The following ZEB1 variants were observed in gnomAD, a reference collection of about 807,000 sequenced individuals.
ZEB1 encodes zinc finger E-box binding homeobox 1, also known as zinc finger E-box-binding homeobox 1.
ZEB1 carries 21 observed loss-of-function variants against 84.9 expected under a neutral mutation model. The ratio of observed to expected loss-of-function variants is 0.25; its 90% CI spans 0.18 to 0.36. The LOEUF (loss-of-function observed/expected upper bound fraction) is 0.36. Ranked by LOEUF, ZEB1 falls within the 10% of genes least tolerant of loss-of-function variation. The probability of loss-of-function intolerance (pLI) is 1.00; values close to 1 mark genes in which losing one functional copy is unlikely to be tolerated. For synonymous variants in ZEB1, 420 were observed against 471.1 expected, an observed-to-expected ratio of 0.89 and a Z score of 1.41; for missense variants, 1,104 against 1,330.2, an observed-to-expected ratio of 0.83 and a Z score of 2.65.
chr10:31,318,902 A>C, upstream of ZEB1: 1 of 396,266 alleles, frequency 2.5e-6, no homozygotes. Flanking sequence ...TTACCTTTCC[A>C]ACTCCGACAG....
intron 1 of ZEB1, among the ~76,000 whole-genome samples, chr10:31,344,195 A>G (rs986403765): frequency 6.6e-6 from 1 of 152,102 alleles, no homozygotes; most frequent in African/African-American, 2.4e-5. Flanking sequence ...GACAAATTAT[A>G]TTAAGTAAAT....
intron 1 of ZEB1, among the ~76,000 whole-genome samples, chr10:31,449,123 T>A (rs1016978221): frequency 6.6e-6 from 1 of 152,242 alleles, no homozygotes; most frequent in Non-Finnish European, 1.5e-5. Context: ...TGGTGCGCCA[T>A]TTTTTAAGCC....
At chr10:31,372,936 T>G in intron 1 of ZEB1, 1 of 899,194 alleles carries the variant, frequency 1.1e-6, no homozygotes, top group Non-Finnish European at 1.3e-6. Flanking sequence ...CAAATCATAT[T>G]CACGTTATTT....
At chr10:31,363,346 T>C in intron 1 of ZEB1, 1 of 1,534,108 alleles carries the variant, frequency 6.5e-7, no homozygotes, top group South Asian at 1.2e-5. Context: ...TCCATGGCCC[T>C]TGGAGTAGAA....
chr10:31,352,452 GC>G (rs1401177415), intron 1 of ZEB1, among the ~76,000 whole-genome samples: 1 of 152,150 alleles, frequency 6.6e-6, no homozygotes, highest in Non-Finnish European at 1.5e-5. Flanking sequence ...TTCATTAGTA[GC>G]TGCATGACAA....
At chr10:31,362,981 A>G (rs1298050305) in intron 1 of ZEB1, 3 of 1,533,948 alleles carry the variant, frequency 2.0e-6, no homozygotes, top group East Asian at 2.4e-5. Context: ...GGAGATAGAC[A>G]TGGAAGCTTT....
intron 7 of ZEB1, among the ~76,000 whole-genome samples, chr10:31,522,323 T>C (rs976678573): frequency 2.6e-5 from 4 of 152,244 alleles, no homozygotes; most frequent in African/African-American, 7.2e-5. Flanking sequence ...AATGAAAATA[T>C]GTTCCCATTC....
chr10:31,445,364 G>A (rs1264670274), intron 1 of ZEB1, among the ~76,000 whole-genome samples: 2 of 149,320 alleles, frequency 1.3e-5, no homozygotes, highest in Non-Finnish European at 2.9e-5. Flanking sequence ...TCTGCAAACA[G>A]GGACAATTTG....
At chr10:31,490,680 C>T (rs1294346107) in intron 2 of ZEB1, among the ~76,000 whole-genome samples, 3 of 151,620 alleles carry the variant, frequency 2.0e-5, no homozygotes, top group Admixed American at 6.6e-5. Flanking sequence ...CCCAATGTTG[C>T]CATTTTTTGA....
intron 3 of ZEB1, among the ~76,000 whole-genome samples, chr10:31,499,464 T>G (rs1397675732): frequency 6.6e-6 from 1 of 152,128 alleles, no homozygotes; most frequent in Non-Finnish European, 1.5e-5. Flanking sequence ...GTTATCAACA[T>G]CACACCAGCC....
intron 1 of ZEB1, among the ~76,000 whole-genome samples, chr10:31,435,764 A>G (rs979305228): frequency 1.3e-5 from 2 of 152,344 alleles, no homozygotes; most frequent in African/African-American, 4.8e-5. Flanking sequence ...ATGATGGAAC[A>G]ATGGAAAGCC....
chr10:31,361,578 C>T (rs568101551), intron 1 of ZEB1, among the ~76,000 whole-genome samples: 1 of 152,158 alleles, frequency 6.6e-6, no homozygotes, highest in South Asian at 2.1e-4. Flanking sequence ...CGGGTGGGGG[C>T]ACTCCTCACT....
At chr10:31,524,221 T>A (rs2072960854) in intron 8 of ZEB1, 108 bp downstream of exon 8, 1 of 1,254,456 alleles carries the variant, frequency 8.0e-7, no homozygotes, top group Non-Finnish European at 1.1e-6. Context: ...TTTTTTTATT[T>A]TGTTTTGAGA....
intron 1 of ZEB1, among the ~76,000 whole-genome samples, chr10:31,442,662 G>A (rs921585876): frequency 4.6e-5 from 7 of 152,072 alleles, no homozygotes; most frequent in African/African-American, 1.7e-4. Flanking sequence ...TCAACAAATG[G>A]CATTTAGAGC....
chr10:31,474,733 A>G (rs1050624680), intron 2 of ZEB1, among the ~76,000 whole-genome samples: 2 of 152,164 alleles, frequency 1.3e-5, no homozygotes, highest in African/African-American at 2.4e-5. Context: ...AGGACTATAA[A>G]TCATGCTGCT....
chr10:31,407,208 T>C (rs1162679453), intron 1 of ZEB1, among the ~76,000 whole-genome samples: 1 of 150,456 alleles, frequency 6.6e-6, no homozygotes, highest in East Asian at 2.0e-4. Flanking sequence ...ACTCGTCATC[T>C]AGCATTAGGT....
intron 8 of ZEB1, among the ~76,000 whole-genome samples, chr10:31,525,179 G>T (rs906051391): frequency 6.6e-6 from 1 of 152,194 alleles, no homozygotes; most frequent in Non-Finnish European, 1.5e-5. Context: ...TTTACATTTT[G>T]TCTATGTCAG....
chr10:31,441,088 C>G (rs896348217), intron 1 of ZEB1, among the ~76,000 whole-genome samples: 4 of 151,928 alleles, frequency 2.6e-5, no homozygotes, highest in African/African-American at 9.7e-5. Flanking sequence ...AAAAAGAGCC[C>G]ACATTGCCAA....
intron 2 of ZEB1, among the ~76,000 whole-genome samples, chr10:31,482,543 G>A (rs2065182724): frequency 6.6e-6 from 1 of 151,678 alleles, no homozygotes; most frequent in Non-Finnish European, 1.5e-5. Flanking sequence ...TAAGTTAATA[G>A]CATTGTATAA....
Sources: gnomAD v4.1 joint callset for allele counts (sites outside exome capture counted in the v4.1 genomes callset) on GRCh38, gnomAD v4.1.1 for gene constraint, MANE v1.5 for transcripts, NCBI Gene and HGNC (gene_info 2026-07-23, HGNC 2026-07-21) for gene names.